GNAQ: variants seen among roughly 807,000 people sequenced by gnomAD.
GNAQ encodes the protein guanine nucleotide-binding protein G(q) subunit alpha.
Under a neutral mutation model 43.9 loss-of-function variants are expected in GNAQ, and 8 were observed. The observed-to-expected ratio is 0.18, with a 90% CI of 0.11 to 0.33. GNAQ has a LOEUF of 0.33. Among genes scored for constraint, GNAQ ranks in the 10% least tolerant of loss-of-function variants. The probability of loss-of-function intolerance (pLI) is 1.00; values close to 1 mark genes in which losing one functional copy is unlikely to be tolerated. For synonymous variants in GNAQ, 155 were observed against 170.7 expected, an observed-to-expected ratio of 0.91 and a Z score of 0.71; for missense variants, 158 against 450.8, an observed-to-expected ratio of 0.35 and a Z score of 5.88.
intron 1 of GNAQ, among the ~76,000 whole-genome samples, chr9:77,959,685 A>T (rs1823084321): frequency 2.0e-5 from 3 of 152,190 alleles, no homozygotes; most frequent in Admixed American, 1.3e-4. Context: ...AATTGCTAAA[A>T]ATCATTGAGT....
At chr9:78,031,058 C>T (rs750263826) in intron 1 of GNAQ, 42 bp downstream of exon 1, 4 of 1,370,106 alleles carry the variant, frequency 2.9e-6, no homozygotes, top group Non-Finnish European at 3.8e-6. Flanking sequence ...GGATGGTGGG[C>T]TGGGGGCGCA....
At chr9:77,912,574 C>T (rs1300142663) in intron 2 of GNAQ, among the ~76,000 whole-genome samples, 4 of 152,080 alleles carry the variant, frequency 2.6e-5, no homozygotes, top group Admixed American at 2.6e-4. Flanking sequence ...CCATTGAGAA[C>T]TTTCACTGAA....
At chr9:77,745,583 T>G (rs1349291332) in intron 5 of GNAQ, among the ~76,000 whole-genome samples, 1 of 148,610 alleles carries the variant, frequency 6.7e-6, no homozygotes, top group African/African-American at 2.5e-5. Flanking sequence ...AAAAAAAATC[T>G]TATGATTCAG....
intron 1 of GNAQ, among the ~76,000 whole-genome samples, chr9:77,966,568 C>G (rs1587435661): frequency 6.6e-6 from 1 of 152,122 alleles, no homozygotes; most frequent in African/African-American, 2.4e-5. Flanking sequence ...TGCCTCACTA[C>G]AGCAGAGACA....
At position 78,031,805 on chromosome 9, in the gene GNAQ, C is replaced by T. The variant is rs1302539380; in HGVS notation, c.-570G>A. ...GCGCAGACCCGGTTCCCGTCCCGCC[C>T]GGCAACCGCGCGCTCCTCCGCCTCC... On this transcript the variant is annotated 5_prime_UTR_variant, in exon 1 of 7. Coordinates refer to ENST00000286548, the MANE Select transcript of GNAQ (RefSeq NM_002072.5). Among the ~76,000 whole-genome samples, 1 of 149,012 alleles carries T rather than the reference C, an allele frequency of 6.7e-6. No individual in the cohort carries two copies. The highest frequency in any genetic ancestry group is 1.5e-5 in the Non-Finnish European group (1 of 66,882).
chr9:78,002,965 T>A (rs538316710), intron 1 of GNAQ, among the ~76,000 whole-genome samples: 32 of 152,170 alleles, frequency 2.1e-4, no homozygotes, highest in Non-Finnish European at 4.0e-4. Flanking sequence ...ATAGTAGTTA[T>A]TTCATATTAA....
chr9:78,025,008 A>T (rs942289654), intron 1 of GNAQ, among the ~76,000 whole-genome samples: 3 of 152,218 alleles, frequency 2.0e-5, no homozygotes, highest in Non-Finnish European at 4.4e-5. Flanking sequence ...GGCTATGTAT[A>T]AAGGTTAACA....
chr9:77,977,995 T>C (rs1481141237), intron 1 of GNAQ, among the ~76,000 whole-genome samples: 1 of 152,204 alleles, frequency 6.6e-6, no homozygotes, highest in Non-Finnish European at 1.5e-5. Flanking sequence ...AAATTATTCC[T>C]GACACTGTAC....
chr9:77,880,366 G>T (rs1184371997), intron 2 of GNAQ, among the ~76,000 whole-genome samples: 1 of 151,850 alleles, frequency 6.6e-6, no homozygotes, highest in Non-Finnish European at 1.5e-5. Context: ...ATATCTTGGT[G>T]GACCGTATTT....
intron 1 of GNAQ, among the ~76,000 whole-genome samples, chr9:77,929,605 T>C (rs989166609): frequency 6.6e-6 from 1 of 151,768 alleles, no homozygotes; most frequent in Non-Finnish European, 1.5e-5. Context: ...CCGAGGTGGG[T>C]GGAACATTTG....
intron 1 of GNAQ, among the ~76,000 whole-genome samples, chr9:77,977,549 GAGGAAGTC>G (rs925342650): frequency 1.3e-5 from 2 of 152,090 alleles, no homozygotes; most frequent in Non-Finnish European, 2.9e-5. Context: ...AAGTTCCTGG[GAGGAAGTC>G]AGTGCCCTGA....
chr9:77,841,150 A>G (rs1827483516), intron 2 of GNAQ, among the ~76,000 whole-genome samples: 1 of 52,682 alleles, frequency 1.9e-5, no homozygotes, highest in Non-Finnish European at 3.7e-5. Flanking sequence ...ACACACATAC[A>G]AAGAATTTTC....
At chr9:77,795,442 T>C (rs556845508) in intron 4 of GNAQ, among the ~76,000 whole-genome samples, 41 of 152,284 alleles carry the variant, frequency 2.7e-4, no homozygotes, top group Admixed American at 2.7e-3. Flanking sequence ...ATGTATACAA[T>C]GTTCACAGGA....
chr9:77,838,895 C>A (rs2117868156), intron 2 of GNAQ, among the ~76,000 whole-genome samples: 1 of 152,062 alleles, frequency 6.6e-6, no homozygotes, highest in East Asian at 1.9e-4. Context: ...AAGATGATTT[C>A]TAGATAGTCT....
At chr9:77,779,680 CAAAAAA>C (rs58014303) in intron 5 of GNAQ, among the ~76,000 whole-genome samples, 2 of 95,942 alleles carry the variant, frequency 2.1e-5, no homozygotes, top group African/African-American at 8.3e-5. Flanking sequence ...AAAAACAAAA[CAAAAAA>C]AAAAAAAAAA....
chr9:77,801,982 C>A, intron 3 of GNAQ, among the ~76,000 whole-genome samples: 1 of 152,102 alleles, frequency 6.6e-6, no homozygotes, highest in Admixed American at 6.6e-5. Context: ...GCCTGGACAA[C>A]ATGGTGAAAC....
intron 5 of GNAQ, among the ~76,000 whole-genome samples, chr9:77,789,288 T>C (rs1407575282): frequency 6.6e-6 from 1 of 152,134 alleles, no homozygotes; most frequent in African/African-American, 2.4e-5. Flanking sequence ...ATAACTTCAG[T>C]TCATCAAAAG....
At chr9:77,772,484 G>A (rs1826241060) in intron 5 of GNAQ, among the ~76,000 whole-genome samples, 1 of 152,156 alleles carries the variant, frequency 6.6e-6, no homozygotes, top group South Asian at 2.1e-4. Context: ...TTTACACTGA[G>A]ACAAACCTAG....
chr9:77,944,993 G>A lies in GNAQ; in HGVS notation c.137-22648C>T, dbSNP rs550556987. On this transcript the variant is annotated intron_variant, in intron 1 of 6. Transcript: ENST00000286548. ...CCCACCGCAGAGAATTCAGCAAGGC[G>A]GCTGGGGAAGCACAAAGGTCTGTCA... is the stretch of plus-strand genomic sequence containing the variant. Among the ~76,000 whole-genome samples the A allele has an allele frequency of 3.3e-5, 5 of 152,294 alleles. No homozygotes were observed. In the East Asian group the frequency reaches 5.8e-4, roughly 18 times the overall value.
Sources: allele counts gnomAD v4.1 joint callset (sites outside exome capture counted in the v4.1 genomes callset), GRCh38; gene constraint gnomAD v4.1.1; transcripts MANE v1.5; gene names NCBI Gene and HGNC (gene_info 2026-07-23, HGNC 2026-07-21).